The following KLHL29 variants were observed in gnomAD, a reference collection of about 807,000 sequenced individuals.
KLHL29 encodes kelch-like protein 29.
KLHL29 carries 21 observed loss-of-function variants against 80.4 expected under a neutral mutation model. That is an observed-to-expected ratio of 0.26 (90% confidence interval 0.19 to 0.38). KLHL29 has a LOEUF of 0.38. Among genes scored for constraint, KLHL29 ranks in the 10% least tolerant of loss-of-function variants. KLHL29 has a pLI of 1.00. For synonymous variants in KLHL29, 511 were observed against 526.8 expected (o/e 0.97, Z 0.41); for missense variants, 867 against 1,223.9 (o/e 0.71, Z 4.35).
intron 3 of KLHL29, among the ~76,000 whole-genome samples, chr2:23,624,135 A>G (rs1669252978): frequency 6.6e-6 from 1 of 152,296 alleles, no homozygotes; most frequent in South Asian, 2.1e-4. Flanking sequence ...TTGGTATTCC[A>G]CATGAGCTGT....
chr2:23,498,784 C>T (rs1048140916), intron 2 of KLHL29, among the ~76,000 whole-genome samples: 5 of 152,200 alleles, frequency 3.3e-5, no homozygotes, highest in African/African-American at 1.2e-4. Flanking sequence ...GAAATAGTCA[C>T]ATTGACGAGT....
At chr2:23,434,044 G>A (rs115889752) in intron 1 of KLHL29, among the ~76,000 whole-genome samples, 2,001 of 152,236 alleles carry the variant, frequency 0.013, 33 homozygotes, top group African/African-American at 0.045. Context: ...GGCTCCGGCC[G>A]GGCGCGGTGG....
At chr2:23,688,636 G>A (rs370018831) in intron 6 of KLHL29, 1 of 152,154 alleles carries the variant, frequency 6.6e-6, no homozygotes, top group Admixed American at 6.5e-5. Flanking sequence ...GGAAGCTCTG[G>A]TCTTCTGACA....
rs752166858 is a variant in KLHL29 at position 23,523,974 on chromosome 2, G to A, written c.-45-38178G>A. On this transcript the variant is annotated intron_variant, in intron 2 of 13. Coordinates refer to ENST00000486442, the MANE Select transcript of KLHL29 (RefSeq NM_052920.2). ...ACCTCGTAAAGAGAAGATTCCATGC[G>A]TCTTTCGGGAGCTTGCCTAAACACC... is the stretch of plus-strand genomic sequence containing the variant. 30 of 471,568 alleles carry A rather than the reference G, an allele frequency of 6.4e-5. No individual in the cohort carries two copies. The Middle Eastern group carries it at 3.2e-3, about 51-fold the overall frequency. The allele number at this position is 471,568 out of a possible 1,614,324, so 29.2% of individuals were successfully genotyped here. A position where few individuals can be genotyped will look rare whatever the true frequency, so the allele number is the denominator to read the frequency against.
At chr2:23,469,115 T>C (rs1459016622) in intron 1 of KLHL29, among the ~76,000 whole-genome samples, 2 of 152,206 alleles carry the variant, frequency 1.3e-5, no homozygotes, top group Non-Finnish European at 2.9e-5. Flanking sequence ...TATAGCCTGG[T>C]CCCAGGAGTG....
chr2:23,603,363 G>A (rs1293688947), intron 3 of KLHL29, among the ~76,000 whole-genome samples: 6 of 152,160 alleles, frequency 3.9e-5, no homozygotes, highest in African/African-American at 1.4e-4. Flanking sequence ...GAAGGCTACA[G>A]CGGCGGCAGT....
intron 5 of KLHL29, among the ~76,000 whole-genome samples, chr2:23,664,444 A>T (rs1235737923): frequency 6.6e-6 from 1 of 152,050 alleles, no homozygotes; most frequent in African/African-American, 2.4e-5. Context: ...TGTGGATGTA[A>T]ATTCTGAGTT....
At chr2:23,454,185 A>G (rs946886997) in intron 1 of KLHL29, among the ~76,000 whole-genome samples, 1 of 152,230 alleles carries the variant, frequency 6.6e-6, no homozygotes, top group Non-Finnish European at 1.5e-5. Context: ...TTAAGACCTC[A>G]ATTGGCTCTC....
chr2:23,509,620 A>G (rs1230433875), intron 2 of KLHL29, among the ~76,000 whole-genome samples: 3 of 152,180 alleles, frequency 2.0e-5, no homozygotes, highest in Non-Finnish European at 2.9e-5. Context: ...TCCTTCCTTC[A>G]GTTGTGATTT....
rs143202180 is a variant in KLHL29 at position 23,618,911 on chromosome 2, C to T, written c.286-20228C>T. ...AGCCAGAGAAAAGCTCTGCAGCCAC[C>T]ACTCCTCTCTGCTGAGAACATCAGA... On this transcript the variant is annotated intron_variant, in intron 3 of 13. Coordinates refer to ENST00000486442, the MANE Select transcript of KLHL29 (RefSeq NM_052920.2). Among the ~76,000 whole-genome samples, 152 of 152,310 alleles carry T rather than the reference C, an allele frequency of 1.0e-3. No individual in the cohort carries two copies. The East Asian group carries it at 0.019, about 19-fold the overall frequency.
intron 2 of KLHL29, among the ~76,000 whole-genome samples, chr2:23,561,319 C>T (rs1455015815): frequency 1.3e-5 from 2 of 152,306 alleles, no homozygotes; most frequent in Non-Finnish European, 2.9e-5. Flanking sequence ...TTTGGTGATT[C>T]AGAAGCCCTT....
chr2:23,582,010 C>T (rs1215669441), intron 3 of KLHL29, among the ~76,000 whole-genome samples: 2 of 152,078 alleles, frequency 1.3e-5, no homozygotes, highest in Non-Finnish European at 2.9e-5. Flanking sequence ...CCATCTGAGT[C>T]CAACCCTCTG....
At chr2:23,605,107 C>CTTTTTTTTTTT (rs386389703) in intron 3 of KLHL29, among the ~76,000 whole-genome samples, 24 of 92,464 alleles carry the variant, frequency 2.6e-4, no homozygotes, top group East Asian at 4.5e-4. Context: ...TCCTTTGTTG[C>CTTTTTTTTTTT]TTTTTTTTTT....
intron 1 of KLHL29, among the ~76,000 whole-genome samples, chr2:23,404,175 C>T (rs1478592993): frequency 1.3e-5 from 2 of 152,072 alleles, no homozygotes; most frequent in African/African-American, 4.8e-5. Flanking sequence ...ACAAGCTCAT[C>T]TTACATAATT....
rs527649996 is a variant in KLHL29 at position 23,468,925 on chromosome 2, G to T, written c.-153-6635G>T. Reference sequence around the variant, plus strand: ...GCCTCTTTCCTGGGTGCGAGTTTCTGTCTGGTGGATGCTGAGGACTTGGGA... The same window carrying T: ...GCCTCTTTCCTGGGTGCGAGTTTCTTTCTGGTGGATGCTGAGGACTTGGGA... On this transcript the variant is annotated intron_variant, in intron 1 of 13. Transcript: ENST00000486442. 7.2e-5 allele frequency among the ~76,000 whole-genome samples: 11 copies of T among 152,360 alleles called. No individual in the cohort carries two copies. The South Asian group carries it at 2.1e-3, about 29-fold the overall frequency.
At position 23,385,252 on chromosome 2, in the gene KLHL29, G is replaced by C. The variant is rs1666141487; in HGVS notation, c.-682G>C. On this transcript the variant is annotated 5_prime_UTR_variant, in exon 1 of 14. Coordinates refer to ENST00000486442, the MANE Select transcript of KLHL29 (RefSeq NM_052920.2). ...CCGCGGCCGCGCCAGCCCCCGCGCC[G>C]CCGCCGCCGTCCCCGCCACCGCGGA... 1 of 147,692 alleles carries C rather than the reference G, an allele frequency of 6.8e-6. No individual in the cohort carries two copies. The highest frequency in any genetic ancestry group is 1.5e-5 in the Non-Finnish European group (1 of 66,422). The allele number at this position is 147,692 out of a possible 1,614,324, so 9.1% of individuals were successfully genotyped here. A position where few individuals can be genotyped will look rare whatever the true frequency, so the allele number is the denominator to read the frequency against.
chr2:23,666,202 C>T (rs1352559454), intron 5 of KLHL29, among the ~76,000 whole-genome samples: 1 of 152,236 alleles, frequency 6.6e-6, no homozygotes, highest in Non-Finnish European at 1.5e-5. Flanking sequence ...CAAAGCCTCC[C>T]AAATGATGAC....
At chr2:23,449,668 A>G (rs1572520924) in intron 1 of KLHL29, among the ~76,000 whole-genome samples, 1 of 152,184 alleles carries the variant, frequency 6.6e-6, no homozygotes, top group East Asian at 1.9e-4. Context: ...AGTCATGCTC[A>G]AGGTCATGGT....
At chr2:23,401,252 T>C (rs1233120121) in intron 1 of KLHL29, among the ~76,000 whole-genome samples, 3 of 152,182 alleles carry the variant, frequency 2.0e-5, no homozygotes, top group Non-Finnish European at 2.9e-5. Context: ...GGGAACCTCA[T>C]GAAGCAGACA....
Sources: gnomAD v4.1 joint callset for allele counts (sites outside exome capture counted in the v4.1 genomes callset) on GRCh38, gnomAD v4.1.1 for gene constraint, MANE v1.5 for transcripts, NCBI Gene and HGNC (gene_info 2026-07-23, HGNC 2026-07-21) for gene names.